IL17F: variants seen among roughly 807,000 people sequenced by gnomAD.
The protein encoded by IL17F is interleukin-17F.
A neutral mutation model predicts 8.3 loss-of-function variants in IL17F; 6 were observed. The observed-to-expected ratio is 0.73, with a 90% confidence interval of 0.40 to 1.43. IL17F has a LOEUF of 1.43. IL17F is among the 40% of genes most tolerant of loss of function. The pLI is 0.02. For missense variants in IL17F, 204 were observed against 209.6 expected, an observed-to-expected ratio of 0.97 and a Z score of 0.17; for synonymous variants, 98 against 81.6, an observed-to-expected ratio of 1.20 and a Z score of -1.08.
chr6:52,245,010 T>C (rs374066618), upstream of IL17F, among the ~76,000 whole-genome samples: 10 of 152,234 alleles, frequency 6.6e-5, no homozygotes, highest in Middle Eastern at 3.2e-3. Context: ...CCTGGTAGTT[T>C]TGTTATCTCC....
In IL17F at chr6:52,241,065, C is replaced by CGTTCGTTT. The variant is rs1491402702; in HGVS notation, c.34-2116_34-2115insAAACGAAC. Among the ~76,000 whole-genome samples the CGTTCGTTT allele has an allele frequency of 6.0e-5, 9 of 150,006 alleles. No individual in the cohort carries two copies. In the East Asian group the frequency reaches 1.4e-3, roughly 23 times the overall value. ...ACCTTGTCTTGACAAACTGCTATGG[C>CGTTCGTTT]GTTTGTTTGTTTGTTTGTTTGTTTG... On this transcript the variant is annotated intron_variant, in intron 1 of 2. Coordinates refer to ENST00000336123, the MANE Select transcript of IL17F (RefSeq NM_052872.4).
intron 1 of IL17F, among the ~76,000 whole-genome samples, chr6:52,242,953 G>T (rs751371872): frequency 1.3e-5 from 2 of 152,084 alleles, no homozygotes; most frequent in Admixed American, 6.5e-5. Context: ...CCCAATAAAT[G>T]CCATGAGAAA....
At chr6:52,240,279 A>T (rs1764049951) in intron 1 of IL17F, among the ~76,000 whole-genome samples, 1 of 152,096 alleles carries the variant, frequency 6.6e-6, no homozygotes, top group Non-Finnish European at 1.5e-5. Context: ...TCTACTAAAA[A>T]TATAAAAATT....
chr6:52,239,872 C>T (rs971884384), intron 1 of IL17F, among the ~76,000 whole-genome samples: 6 of 152,146 alleles, frequency 3.9e-5, no homozygotes, highest in African/African-American at 1.4e-4. Flanking sequence ...TGAAAGAAAC[C>T]GGGGCACTAA....
intron 2 of IL17F, 54 bp from the exon 3 acceptor site, chr6:52,237,222 C>A (rs1446741932): frequency 7.5e-7 from 1 of 1,333,926 alleles, no homozygotes; most frequent in Non-Finnish European, 1.1e-6. Flanking sequence ...AGGAAGACAG[C>A]GAATGAGAGC....
intron 1 of IL17F, among the ~76,000 whole-genome samples, chr6:52,241,723 T>C (rs1253471417): frequency 6.6e-6 from 1 of 152,196 alleles, no homozygotes. Flanking sequence ...GTATTAATTA[T>C]CCCAATTAGA....
At chr6:52,240,722 G>A (rs1764058538) in intron 1 of IL17F, among the ~76,000 whole-genome samples, 1 of 152,104 alleles carries the variant, frequency 6.6e-6, no homozygotes, top group Non-Finnish European at 1.5e-5. Context: ...TTTGCCTTTA[G>A]ATAATCAGCA....
chr6:52,238,378 C>T (rs1042833285), intron 2 of IL17F, among the ~76,000 whole-genome samples: 9 of 152,224 alleles, frequency 5.9e-5, no homozygotes, highest in African/African-American at 1.9e-4. Context: ...CTCCTTAAAC[C>T]GACTTTTCTG....
At chr6:52,238,161 G>T (rs563395193) in intron 2 of IL17F, among the ~76,000 whole-genome samples, 15 of 152,184 alleles carry the variant, frequency 9.9e-5, no homozygotes, top group Admixed American at 5.2e-4. Flanking sequence ...GACAACCCCA[G>T]AAGCACTTCA....
chr6:52,241,884 T>C (rs1333749689), intron 1 of IL17F, among the ~76,000 whole-genome samples: 3 of 152,188 alleles, frequency 2.0e-5, no homozygotes, highest in Admixed American at 6.5e-5. Context: ...TTAATCTTAG[T>C]TTTGTCTCAT....
At chr6:52,237,786 C>A (rs1222313266) in intron 2 of IL17F, among the ~76,000 whole-genome samples, 1 of 152,090 alleles carries the variant, frequency 6.6e-6, no homozygotes, top group Non-Finnish European at 1.5e-5. Flanking sequence ...ACTGTCTGAA[C>A]CCTGAAGGAC....
intron 1 of IL17F, among the ~76,000 whole-genome samples, chr6:52,243,710 C>T (rs1315372491): frequency 6.6e-6 from 1 of 152,188 alleles, no homozygotes. Context: ...CACACACTAA[C>T]ACCACCTGGG....
rs767197513 is a variant in IL17F at position 52,236,940 on chromosome 6, A to G, written c.483T>C (p.His161=). Residue 161 remains histidine (H), a synonymous_variant, in exon 3 of 3, where the codon CAT becomes CAC. Transcript: ENST00000336123. The part of the protein sequence containing the change: ...GCTCVTPVIH[H]VQ ...AGTGGATATGCACCTCTTACTGCAC[A>G]TGGTGGATGACAGGGGTGACGCAGG... The G allele has an allele frequency of 2.0e-5, 33 of 1,613,148 alleles. 1 individual carries two copies. The South Asian group carries it at 3.5e-4, about 17-fold the overall frequency.
At chr6:52,237,247 T>C in intron 2 of IL17F, 79 bp from the exon 3 acceptor site, 8 of 1,103,002 alleles carry the variant, frequency 7.3e-6, no homozygotes, top group South Asian at 2.7e-5. Flanking sequence ...CAGCACTGAG[T>C]GTTCACCTGC....
chr6:52,238,520 C>T (rs551875580), intron 2 of IL17F, among the ~76,000 whole-genome samples: 3 of 152,306 alleles, frequency 2.0e-5, no homozygotes, highest in South Asian at 2.1e-4. Context: ...TCTATGAGAA[C>T]GTGGAAGCAA....
At chr6:52,238,027 C>T (rs1197419691) in intron 2 of IL17F, among the ~76,000 whole-genome samples, 7 of 152,228 alleles carry the variant, frequency 4.6e-5, no homozygotes. Flanking sequence ...TTAATAAACT[C>T]ATCCACTCGC....
At chr6:52,237,878 T>C (rs923290956) in intron 2 of IL17F, among the ~76,000 whole-genome samples, 3 of 151,868 alleles carry the variant, frequency 2.0e-5, no homozygotes, top group Non-Finnish European at 2.9e-5. Flanking sequence ...TCTGAGAACC[T>C]ACCAAGGAAA....
chr6:52,237,146 A>G lies in IL17F; in HGVS notation c.277T>C (p.Tyr93His). The change falls in exon 3 of 3, where the codon TAC (tyrosine) becomes CAC (histidine). Residue 93 changes from tyrosine (Y) to histidine (H), a missense_variant. Tyr to His is a moderately conservative substitution (Grantham distance 83, BLOSUM62 2). Transcript: ENST00000336123. Reference protein sequence around the residue: ...NYTVTWDPNRYPSEVVQAQCR... With the variant: ...NYTVTWDPNRHPSEVVQAQCR... ...TGGGCCTGTACAACTTCCGAGGGGTACCGGTTGGGGTCCCAAGTGACACTG... is the reference window on the plus strand; with the variant it reads ...TGGGCCTGTACAACTTCCGAGGGGTGCCGGTTGGGGTCCCAAGTGACACTG... 1 of 1,613,988 alleles carries G rather than the reference A, an allele frequency of 6.2e-7. No homozygotes were observed. Among genetic ancestry groups the G allele is most frequent in the Non-Finnish European group, 8.5e-7 (1 of 1,179,956 alleles).
intron 2 of IL17F, among the ~76,000 whole-genome samples, chr6:52,237,739 A>T (rs115866730): frequency 0.026 from 4,021 of 152,192 alleles, 109 homozygotes; most frequent in African/African-American, 0.069. Flanking sequence ...TTGTAGTGTG[A>T]CAGGACCCCC....
Sources: gnomAD v4.1 joint callset for allele counts (sites outside exome capture counted in the v4.1 genomes callset) on GRCh38, gnomAD v4.1.1 for gene constraint, MANE v1.5 for transcripts, NCBI Gene and HGNC (gene_info 2026-07-23, HGNC 2026-07-21) for gene names.